Variants in POLR1A observed in about 807,000 individuals in gnomAD.
POLR1A encodes the protein DNA-directed RNA polymerase I subunit RPA1.
POLR1A carries 84 observed loss-of-function variants against 205.3 expected under a neutral mutation model. The observed-to-expected ratio is 0.41, with a 90% CI of 0.34 to 0.49. The LOEUF (loss-of-function observed/expected upper bound fraction) is 0.49, where lower values mean the gene tolerates loss of function less well. POLR1A is among the 20% of genes least tolerant of loss of function. The probability of loss-of-function intolerance (pLI) is 0.22; values close to 1 mark genes in which losing one functional copy is unlikely to be tolerated. For synonymous variants in POLR1A, 799 were observed against 863.7 expected, an observed-to-expected ratio of 0.93 and a Z score of 1.31; for missense variants, 1,645 against 2,204.5, an observed-to-expected ratio of 0.75 and a Z score of 5.08.
intron 12 of POLR1A, among the ~76,000 whole-genome samples, chr2:86,073,447 G>C (rs1226832632): frequency 6.6e-6 from 1 of 152,130 alleles, no homozygotes; most frequent in African/African-American, 2.4e-5. Context: ...GCTTGCTAAG[G>C]CCTGAGAGAG....
Position 86,077,954 on chromosome 2 carries a change from G to A in POLR1A, c.1285C>T (p.Arg429Ter). ...QILEKKEGLF[R>*]KHMMGKRVDY... ...ACTCGCTTTCCCATCATGTGTTTTC[G>A]GAACAGGCCTTCTTTCTTCTCCAGG... The change falls in exon 11 of 34, where the codon CGA (arginine) becomes TGA (stop). Residue 429 changes from arginine to a stop codon, truncating the protein, a stop_gained. Coordinates refer to ENST00000263857, the MANE Select transcript of POLR1A (RefSeq NM_015425.6). LOFTEE classifies it high-confidence loss of function. The A allele has an allele frequency of 1.2e-6, 2 of 1,614,004 alleles. No homozygotes were observed. Among genetic ancestry groups the A allele is most frequent in the Non-Finnish European group, 1.7e-6 (2 of 1,180,010 alleles).
At chr2:86,030,585 C>T (rs1396759664) in intron 30 of POLR1A, among the ~76,000 whole-genome samples, 189 bp from the exon 31 acceptor site, 1 of 152,148 alleles carries the variant, frequency 6.6e-6, no homozygotes, top group Non-Finnish European at 1.5e-5. Context: ...CATCTCCAGT[C>T]CCCCAGATTC....
At chr2:86,085,274 A>G (rs866218027) in intron 6 of POLR1A, among the ~76,000 whole-genome samples, 2 of 152,180 alleles carry the variant, frequency 1.3e-5, no homozygotes, top group Non-Finnish European at 2.9e-5. Context: ...GTCCAGTTAT[A>G]CACTATTCAA....
chr2:86,074,492 T>A (rs920091507), intron 12 of POLR1A, among the ~76,000 whole-genome samples: 1 of 152,234 alleles, frequency 6.6e-6, no homozygotes, highest in Non-Finnish European at 1.5e-5. Flanking sequence ...GCTGATTTCA[T>A]GCACTCAGCA....
intron 13 of POLR1A, among the ~76,000 whole-genome samples, chr2:86,068,397 G>GGGGT (rs531431785): frequency 3.7e-5 from 4 of 107,992 alleles, no homozygotes; most frequent in East Asian, 4.2e-4. Flanking sequence ...GGGGGGGGGG[G>GGGGT]GCGGGTGTCG....
At chr2:86,076,388 A>G (rs1673283311) in intron 11 of POLR1A, among the ~76,000 whole-genome samples, 1 of 152,200 alleles carries the variant, frequency 6.6e-6, no homozygotes, top group Non-Finnish European at 1.5e-5. Flanking sequence ...CAGAGCATAC[A>G]TATACTTGTC....
rs1006243893 is a variant in POLR1A, at chr2:86,105,831, G to A, written c.-55C>T. On this transcript the variant is annotated 5_prime_UTR_variant, in exon 1 of 34. Transcript: ENST00000263857. ...CCAAGAGACGTTCCACTCACCACCTGACTATTCTTAATTCAACCTCAAGCC... is the reference window on the plus strand; with the variant it reads ...CCAAGAGACGTTCCACTCACCACCTAACTATTCTTAATTCAACCTCAAGCC... 4.9e-6 allele frequency: 7 copies of A among 1,440,824 alleles called. No homozygotes were observed. In the Admixed American group the frequency reaches 1.0e-4, roughly 21 times the overall value. 89.3% of individuals were successfully genotyped at this position (1,440,824 alleles called of 1,614,324 possible). A position where few individuals can be genotyped will look rare whatever the true frequency, so the allele number is the denominator to read the frequency against.
rs760251541 is a variant in POLR1A at position 86,043,026 on chromosome 2, G to C, written c.3305C>G (p.Ala1102Gly). Reference sequence around the variant, plus strand: ...GCGGTTTTCACTCTCAAGTTTCAGGGCTTTCACAGCTTCCTGAATTTTCTG... The same window carrying C: ...GCGGTTTTCACTCTCAAGTTTCAGGCCTTTCACAGCTTCCTGAATTTTCTG... ...YSQKIQEAVK[A>G]LKLESENRNG... Residue 1102 changes from alanine to glycine, a missense_variant, in exon 23 of 34, where the codon GCC becomes GGC. Physicochemically the swap from Ala to Gly is moderately conservative, Grantham distance 60. Coordinates refer to ENST00000263857, the MANE Select transcript of POLR1A (RefSeq NM_015425.6). 6.2e-7 allele frequency: 1 copy of C among 1,614,124 alleles called. No individual in the cohort carries two copies. Among genetic ancestry groups the C allele is most frequent in the Non-Finnish European group, 8.5e-7 (1 of 1,180,008 alleles).
At chr2:86,045,521 G>A (rs1271818116) in intron 20 of POLR1A, 96 bp downstream of exon 20, 2 of 1,380,184 alleles carry the variant, frequency 1.4e-6, no homozygotes, top group Admixed American at 1.8e-5. Flanking sequence ...ATAGCCCCCA[G>A]TGTCTTCTGC....
intron 11 of POLR1A, among the ~76,000 whole-genome samples, chr2:86,077,287 G>A (rs1013499990): frequency 2.0e-5 from 3 of 152,178 alleles, no homozygotes; most frequent in African/African-American, 7.2e-5. Flanking sequence ...GCTAGCTCCC[G>A]GAGGGGGTCG....
At chr2:86,090,386 C>CAAAAAAAA (rs56810530) in intron 3 of POLR1A, among the ~76,000 whole-genome samples, 3 of 94,610 alleles carry the variant, frequency 3.2e-5, no homozygotes, top group African/African-American at 1.2e-4. Context: ...GACACCATCT[C>CAAAAAAAA]AAAAAAAAAA....
intron 1 of POLR1A, among the ~76,000 whole-genome samples, chr2:86,105,231 T>C (rs1673903652): frequency 1.3e-5 from 2 of 152,138 alleles, no homozygotes; most frequent in Admixed American, 6.5e-5. Flanking sequence ...TTGATCAAAA[T>C]GAAGACTAAA....
intron 9 of POLR1A, 70 bp from the exon 10 acceptor site, chr2:86,078,354 T>G: frequency 7.7e-7 from 1 of 1,296,462 alleles, no homozygotes; most frequent in South Asian, 1.5e-5. Context: ...GATTTAATTT[T>G]TCTTTCTTAC....
At chr2:86,041,093 T>A (rs1189178319) in intron 24 of POLR1A, among the ~76,000 whole-genome samples, 3 of 151,984 alleles carry the variant, frequency 2.0e-5, no homozygotes, top group Admixed American at 6.6e-5. Context: ...TTACTAACCA[T>A]TTTTCCTATG....
intron 27 of POLR1A, chr2:86,036,925 T>C (rs925599460): frequency 2.0e-5 from 3 of 152,208 alleles, no homozygotes; most frequent in Non-Finnish European, 4.4e-5. Context: ...CATGAGGTAA[T>C]ATAAGTAAAA....
At chr2:86,066,195 G>A (rs1361302183) in intron 13 of POLR1A, among the ~76,000 whole-genome samples, 1 of 152,134 alleles carries the variant, frequency 6.6e-6, no homozygotes, top group African/African-American at 2.4e-5. Flanking sequence ...AAGGGGTTCC[G>A]GCACAGGTTC....
At chr2:86,069,624 T>C (rs974400269) in intron 13 of POLR1A, among the ~76,000 whole-genome samples, 1 of 152,214 alleles carries the variant, frequency 6.6e-6, no homozygotes, top group Admixed American at 6.5e-5. Flanking sequence ...TTAAAACTCA[T>C]GTTTGTCAGA....
At chr2:86,077,619 T>C (rs1384617103) in intron 11 of POLR1A, among the ~76,000 whole-genome samples, 2 of 152,084 alleles carry the variant, frequency 1.3e-5, no homozygotes, top group Admixed American at 1.3e-4. Context: ...GTAGGAGGTG[T>C]CTGTAAGCCT....
At position 86,029,284 on chromosome 2, in the gene POLR1A, T is replaced by C. The variant is rs529285118; in HGVS notation, c.4780-573A>G. ...AGCAGGAGACTTTGCAGGGTGGTCATTGGTGGGGGCAGAAGTGTACGTGGC... is the reference window on the plus strand; with the variant it reads ...AGCAGGAGACTTTGCAGGGTGGTCACTGGTGGGGGCAGAAGTGTACGTGGC... On this transcript the variant is annotated intron_variant, in intron 31 of 33. Coordinates refer to ENST00000263857, the MANE Select transcript of POLR1A (RefSeq NM_015425.6). Among the ~76,000 whole-genome samples, 83 of 151,492 alleles carry C rather than the reference T, an allele frequency of 5.5e-4. No individual in the cohort carries two copies. The South Asian group carries it at 0.017, about 31-fold the overall frequency.
Sources: allele counts gnomAD v4.1 joint callset (sites outside exome capture counted in the v4.1 genomes callset), GRCh38; gene constraint gnomAD v4.1.1; transcripts MANE v1.5; gene names NCBI Gene and HGNC (gene_info 2026-07-23, HGNC 2026-07-21).